Variants in TRPM4 observed in about 807,000 individuals in gnomAD.
The protein encoded by TRPM4 is calcium-activated non-selective cation channel 1.
A neutral mutation model predicts 135.6 loss-of-function variants in TRPM4; 124 were observed. The ratio of observed to expected loss-of-function variants is 0.91; its 90% CI spans 0.79 to 1.06. The LOEUF is 1.06. Ranked by LOEUF, TRPM4 falls within the 50% of genes least tolerant of loss-of-function variation. The probability of loss-of-function intolerance (pLI) is 0.00; values close to 1 mark genes in which losing one functional copy is unlikely to be tolerated. For synonymous variants in TRPM4, 745 were observed against 705.6 expected (o/e 1.06, Z -0.88); for missense variants, 1,658 against 1,671.4 (o/e 0.99, Z 0.14).
chr19:49,205,581 G>A (rs1024169754), intron 20 of TRPM4, among the ~76,000 whole-genome samples: 2 of 144,242 alleles, frequency 1.4e-5, no homozygotes, highest in African/African-American at 5.2e-5. Context: ...TGTCACCCAG[G>A]TTGGAGTGCA....
At chr19:49,190,804 G>A (rs1225727393) in intron 16 of TRPM4, 31 bp downstream of exon 16, 1 of 1,605,980 alleles carries the variant, frequency 6.2e-7, no homozygotes, top group Middle Eastern at 1.7e-4. Context: ...TGTGTGAGGT[G>A]GGGACACCCT....
chr19:49,199,190 G>A (rs1968816308), intron 17 of TRPM4, among the ~76,000 whole-genome samples: 1 of 152,092 alleles, frequency 6.6e-6, no homozygotes. Context: ...CTACCAGATA[G>A]GTTGGACATC....
chr19:49,159,965 A>G (rs1213766932), intron 2 of TRPM4: 1 of 152,246 alleles, frequency 6.6e-6, no homozygotes, highest in Non-Finnish European at 1.5e-5. Flanking sequence ...CAGTGTGGTC[A>G]AGACAATTTA....
rs1339922704 is a variant in TRPM4, at chr19:49,197,352, CTTTCTTTCTT to C, written c.2645+480_2645+489del. Among the ~76,000 whole-genome samples the C allele has an allele frequency of 6.6e-3, 712 of 107,874 alleles. 20 individuals are homozygous for C. Among genetic ancestry groups the C allele is most frequent in the African/African-American group, 0.035 (663 of 19,068 alleles). 70.8% of individuals were successfully genotyped at this position (107,874 alleles called of 152,430 possible). On this transcript the variant is annotated intron_variant, in intron 17 of 24. Transcript: ENST00000252826. Reference sequence around the variant, plus strand: ...TCTTTCTTTCTTTCTTTCTTTCTTTCTTTCTTTCTTTCTCTCTCTTTCTTTTCTTTCTTTC... The same window carrying C: ...TCTTTCTTTCTTTCTTTCTTTCTTTCTCTCTCTCTTTCTTTTCTTTCTTTC...
rs750673849 is a variant in TRPM4 at position 49,181,370 on chromosome 19, C to T, written c.1172C>T (p.Ser391Leu). 5 of 1,613,842 alleles carry T rather than the reference C, an allele frequency of 3.1e-6. No individual in the cohort carries two copies. The African/African-American group carries it at 6.7e-5, about 22-fold the overall frequency. Residue 391 changes from serine to leucine, a missense_variant, in exon 10 of 25, where the codon TCA becomes TTA. Ser to Leu is a moderately radical substitution (Grantham distance 145). Coordinates refer to ENST00000252826, the MANE Select transcript of TRPM4 (RefSeq NM_017636.4). ...CCAGCCTGTGGGAGCTCGGAGGCCT[C>T]AGCCTACCTGGATGAGCTGCGTTTG... Reference protein sequence around the residue: ...LVKACGSSEASAYLDELRLAV... With the variant: ...LVKACGSSEALAYLDELRLAV...
At chr19:49,186,005 C>A (rs1220661089) in intron 12 of TRPM4, among the ~76,000 whole-genome samples, 1 of 152,158 alleles carries the variant, frequency 6.6e-6, no homozygotes, top group East Asian at 1.9e-4. Context: ...CCCACCTTGG[C>A]CTCCCAAAGT....
intron 9 of TRPM4, among the ~76,000 whole-genome samples, chr19:49,177,493 A>G (rs941977506): frequency 6.6e-6 from 1 of 150,732 alleles, no homozygotes; most frequent in African/African-American, 2.4e-5. Context: ...ATGCCTGGCT[A>G]ATGTTTGTAT....
At position 49,171,890 on chromosome 19, in the gene TRPM4, G is replaced by T; in HGVS notation, c.1051-119G>T. The T allele has an allele frequency of 7.2e-7, 1 of 1,379,894 alleles. No individual in the cohort carries two copies. Among genetic ancestry groups the T allele is most frequent in the Admixed American group, 1.8e-5 (1 of 56,550 alleles). The allele number at this position is 1,379,894 out of a possible 1,614,324, so 85.5% of individuals were successfully genotyped here. Reference sequence around the variant, plus strand: ...CTTCCAGGTTCCGGGAGAAGAGGGTGCTGGGCATATAGACTATTAGGTCCT... The same window carrying T: ...CTTCCAGGTTCCGGGAGAAGAGGGTTCTGGGCATATAGACTATTAGGTCCT... On this transcript the variant is annotated intron_variant, in intron 8 of 24. Transcript: ENST00000252826. The surrounding 1 kb of genome is among the most constrained non-coding windows in gnomAD (Gnocchi z 4.7).
chr19:49,183,353 C>G (rs1968074852), intron 12 of TRPM4, 141 bp downstream of exon 12: 1 of 940,174 alleles, frequency 1.1e-6, no homozygotes, highest in Admixed American at 2.0e-5. Context: ...TATATGCCTC[C>G]AACTGCTTCC....
At chr19:49,167,469 ATCTCTCTGGGTCTCTGTCCCTC>A (rs1167287459) in intron 3 of TRPM4, among the ~76,000 whole-genome samples, 5 of 39,272 alleles carry the variant, frequency 1.3e-4, no homozygotes, top group Non-Finnish European at 2.5e-4. Flanking sequence ...CTCTGTCGCC[ATCTCTCTGGGTCTCTGTCCCTC>A]TCTCTCTGGG....
chr19:49,204,982 GTT>G (rs756332219), intron 20 of TRPM4, among the ~76,000 whole-genome samples: 4 of 60,770 alleles, frequency 6.6e-5, no homozygotes, highest in Non-Finnish European at 1.0e-4. Context: ...GGCTTTGGTT[GTT>G]TTTTTTTTTT....
At chr19:49,177,104 C>T (rs1967725060) in intron 9 of TRPM4, among the ~76,000 whole-genome samples, 1 of 152,082 alleles carries the variant, frequency 6.6e-6, no homozygotes. Context: ...AGGTAACTCT[C>T]AGTGGGCAAA....
intron 2 of TRPM4, among the ~76,000 whole-genome samples, chr19:49,161,338 T>A: frequency 6.7e-6 from 1 of 148,176 alleles, no homozygotes; most frequent in Non-Finnish European, 1.5e-5. Context: ...TTTTTTTTTT[T>A]TTTTTTTGAG....
At chr19:49,178,667 G>A (rs1176411122) in intron 9 of TRPM4, among the ~76,000 whole-genome samples, 1 of 152,114 alleles carries the variant, frequency 6.6e-6, no homozygotes, top group Non-Finnish European at 1.5e-5. Context: ...AGTCTGAAGG[G>A]ACAAGGTGGG....
At chr19:49,201,824 T>A in intron 19 of TRPM4, 140 bp from the exon 20 acceptor site, 2 of 894,186 alleles carry the variant, frequency 2.2e-6, no homozygotes, top group Non-Finnish European at 3.7e-6. Context: ...AGTCTCAAAC[T>A]CCCCACCTCA....
chr19:49,193,491 T>C (rs757271999), intron 16 of TRPM4, among the ~76,000 whole-genome samples: 10 of 152,108 alleles, frequency 6.6e-5, no homozygotes, highest in Non-Finnish European at 1.3e-4. Context: ...GATCATGTGG[T>C]TGGTAAATGG....
Position 49,202,239 on chromosome 19 carries a change from C to T in TRPM4, c.3131+98C>T, listed in dbSNP as rs73942812. 7.4e-3 allele frequency: 10,404 copies of T among 1,400,654 alleles called. 568 individuals are homozygous for T. The African/African-American group carries it at 0.12, about 16-fold the overall frequency. The allele number at this position is 1,400,654 out of a possible 1,614,324, so 86.8% of individuals were successfully genotyped here. A position where few individuals can be genotyped will look rare whatever the true frequency, so the allele number is the denominator to read the frequency against. ...GTCTAATGAATTCTGTTTTTAGTCC[C>T]TGAACTCTGATCCAATCTAATGCTG... On this transcript the variant is annotated intron_variant, in intron 20 of 24. Transcript: ENST00000252826.
intron 2 of TRPM4, among the ~76,000 whole-genome samples, chr19:49,163,197 TA>T (rs1184165748): frequency 3.9e-4 from 33 of 84,862 alleles, no homozygotes; most frequent in South Asian, 8.2e-4. Context: ...TTATTATTAT[TA>T]TTTTTTTTTT....
In TRPM4 at chr19:49,210,784, G is replaced by A; in HGVS notation, c.3403G>A (p.Ala1135Thr). ...ESVHKENFLL[A>T]RARDKRESDS... ...GGTGCATAAGGAGAACTTTCTGCTG[G>A]CACGCGCTAGGGACAAGCGGGAGAG... The change falls in exon 22 of 25, where the codon GCA becomes ACA. Residue 1135 changes from alanine to threonine, a missense_variant. This residue lies in a region of TRPM4 where 1,412 missense variants were observed against 1,408.7 expected (regional missense o/e 1.00). Transcript: ENST00000252826. This position sits in a 1 kb window ranked among gnomAD's most constrained non-coding sequence, Gnocchi z 4.1. 6.2e-7 allele frequency: 1 copy of A among 1,613,994 alleles called. No homozygotes were observed. The highest frequency in any genetic ancestry group is 8.5e-7 in the Non-Finnish European group (1 of 1,180,016).
Sources: gnomAD v4.1 joint callset for allele counts (sites outside exome capture counted in the v4.1 genomes callset) on GRCh38, gnomAD v4.1.1 for gene constraint, gnomAD v4.1.1 regional missense constraint, Gnocchi (gnomAD v3.1) non-coding constraint, MANE v1.5 for transcripts, NCBI Gene and HGNC (gene_info 2026-07-23, HGNC 2026-07-21) for gene names.